The following PTPRH variants were observed in gnomAD, a reference collection of about 807,000 sequenced individuals.
PTPRH encodes the protein receptor-type tyrosine-protein phosphatase H.
PTPRH carries 113 observed loss-of-function variants against 130.2 expected under a neutral mutation model. The ratio of observed to expected loss-of-function variants is 0.87; its 90% CI spans 0.75 to 1.01. PTPRH has a LOEUF of 1.01. PTPRH is among the 50% of genes least tolerant of loss of function. The pLI is 0.00. For synonymous variants in PTPRH, 556 were observed against 577.9 expected (o/e 0.96, Z 0.54); for missense variants, 1,430 against 1,425.0 (o/e 1.00, Z -0.06).
At position 55,204,040 on chromosome 19, in the gene PTPRH, G is replaced by C. The variant is rs200386400; in HGVS notation, c.628C>G (p.Pro210Ala). 4 of 1,611,220 alleles carry C rather than the reference G, an allele frequency of 2.5e-6. No individual in the cohort carries two copies. The highest frequency in any genetic ancestry group is 3.4e-6 in the Non-Finnish European group (4 of 1,178,338). ...ETRNATTAHN[P>A]VRNLRVEAQT... ...GCCTCCACTCTCAGGTTCCTCACTG[G>C]GTTGTGAGCTGAGAAATTAGGAAGA... The change falls in exon 5 of 20, where the codon CCA becomes GCA. Residue 210 changes from proline to alanine, a missense_variant. Pro to Ala is a conservative substitution (Grantham distance 27). Transcript: ENST00000376350.
intron 14 of PTPRH, 47 bp downstream of exon 14, chr19:55,187,466 C>T (rs763508383): frequency 1.3e-5 from 20 of 1,515,800 alleles, no homozygotes; most frequent in African/African-American, 9.7e-5. Context: ...GGTGGGGTGC[C>T]GACTAGATCA....
intron 10 of PTPRH, among the ~76,000 whole-genome samples, chr19:55,195,234 A>G (rs373111638): frequency 1.1e-4 from 17 of 152,214 alleles, no homozygotes; most frequent in East Asian, 5.8e-4. Flanking sequence ...CTGAGGCAGG[A>G]GAATCGCTTG....
rs61735061 is a variant in PTPRH at position 55,186,227 on chromosome 19, G to A, written c.2776C>T (p.Arg926Trp). 6.9e-4 allele frequency: 1,108 copies of A among 1,607,820 alleles called. 12 individuals are homozygous for A. Among genetic ancestry groups the A allele is most frequent in the South Asian group, 2.3e-3 (213 of 90,682 alleles). ...CACCCAGGACTCAGATCTCTCACCC[G>A]GCCGGCCTCCATGCAGTTGGTCAGC... is the stretch of plus-strand genomic sequence containing the variant. ...VMLTNCMEAG[R>W]VKCEHYWPLD... Residue 926 changes from arginine to tryptophan, a missense_variant and splice_region_variant, in exon 16 of 20, where the codon CGG (arginine) becomes TGG (tryptophan). Coordinates refer to ENST00000376350, the MANE Select transcript of PTPRH (RefSeq NM_002842.5).
intron 10 of PTPRH, 74 bp from the exon 11 acceptor site, chr19:55,191,815 C>G: frequency 7.7e-7 from 1 of 1,299,174 alleles, no homozygotes; most frequent in African/African-American, 1.5e-5. Flanking sequence ...CCTGCCCAGC[C>G]TTTCCTCTTC....
At chr19:55,203,738 G>C in intron 5 of PTPRH, 44 bp downstream of exon 5, 1 of 1,565,554 alleles carries the variant, frequency 6.4e-7, no homozygotes, top group Non-Finnish European at 8.7e-7. Context: ...CCCTACCACT[G>C]TCCTTATAAA....
At chr19:55,185,715 G>A in intron 17 of PTPRH, 53 bp from the exon 18 acceptor site, 1 of 1,601,744 alleles carries the variant, frequency 6.2e-7, no homozygotes, top group Non-Finnish European at 8.5e-7. Flanking sequence ...GGAGGACCTG[G>A]CTTCTAGCAC....
At chr19:55,207,351 C>CGAGGACAGCT in intron 1 of PTPRH, 152 bp from the exon 2 acceptor site, 3 of 769,756 alleles carry the variant, frequency 3.9e-6, no homozygotes, top group Non-Finnish European at 6.3e-6. Flanking sequence ...GTCACGACCT[C>CGAGGACAGCT]GACCGTCTTT....
chr19:55,181,797 T>A lies in PTPRH; in HGVS notation c.3305A>T (p.Tyr1102Phe), dbSNP rs1362417390. The A allele has an allele frequency of 2.5e-6, 4 of 1,614,050 alleles. No homozygotes were observed. The highest frequency in any genetic ancestry group is 3.4e-6 in the Non-Finnish European group (4 of 1,180,038). ...VPYEDVENLI[Y>F]ENVAAIQAHK... The stretch of plus-strand genomic sequence containing the variant: ...GGCCTGGATGGCGGCCACGTTCTCG[T>A]AGATGAGGTTTTCGACATCCTCATA... Residue 1102 changes from tyrosine to phenylalanine, a missense_variant, in exon 20 of 20, where the codon TAC becomes TTC. By Grantham distance (22) the Tyr-to-Phe change is conservative (BLOSUM62 3). Coordinates refer to ENST00000376350, the MANE Select transcript of PTPRH (RefSeq NM_002842.5).
chr19:55,181,575 C>T lies in PTPRH; in HGVS notation c.*179G>A. ...CCAGATCCCCAGCTCCCATAGGACT[C>T]ATCTGAAGCCCACCAGACCACTCTC... On this transcript the variant is annotated 3_prime_UTR_variant, in exon 20 of 20. Transcript: ENST00000376350. 2 of 774,892 alleles carry T rather than the reference C, an allele frequency of 2.6e-6. No homozygotes were observed. Among genetic ancestry groups the T allele is most frequent in the Non-Finnish European group, 4.2e-6 (2 of 479,930 alleles). 48.0% of individuals were successfully genotyped at this position (774,892 alleles called of 1,614,324 possible). A position where few individuals can be genotyped will look rare whatever the true frequency, so the allele number is the denominator to read the frequency against.
rs775899462 is a variant in PTPRH at position 55,197,244 on chromosome 19, C to G, written c.1863G>C (p.Gln621His). ...ACCACGTCTCATTGGTCCTGCTGGT[C>G]TGGTTGACCCAATTCGCTTGGGGAT... The part of the protein sequence containing the change: ...GQDPQANWVN[Q>H]TSRTNETWYK... The change falls in exon 9 of 20, where the codon CAG (glutamine) becomes CAC (histidine). Residue 621 changes from glutamine (Q) to histidine (H), a missense_variant. Gln to His is a conservative substitution (Grantham distance 24, BLOSUM62 0). Coordinates refer to ENST00000376350, the MANE Select transcript of PTPRH (RefSeq NM_002842.5). 6.2e-7 allele frequency: 1 copy of G among 1,614,264 alleles called. No individual in the cohort carries two copies. The highest frequency in any genetic ancestry group is 8.5e-7 in the Non-Finnish European group (1 of 1,180,054).
Position 55,186,333 on chromosome 19 carries a change from A to G in PTPRH, c.2670T>C (p.Ile890=). 1 of 1,614,032 alleles carries G rather than the reference A, an allele frequency of 6.2e-7. No homozygotes were observed. Among genetic ancestry groups the G allele is most frequent in the Non-Finnish European group, 8.5e-7 (1 of 1,179,958 alleles). ...MPGLWSPQEF[I]ATQGPLPQTV... ...TCTGTGGCAGGGGACCCTGGGTTGC[A>G]ATGAACTCCTGGGGGCTCCAGAGAC... Residue 890 remains isoleucine, a synonymous_variant, in exon 16 of 20, where the codon ATT becomes ATC. Transcript: ENST00000376350.
At position 55,197,251 on chromosome 19, in the gene PTPRH, A is replaced by G. The variant is rs1221009889; in HGVS notation, c.1856T>C (p.Val619Ala). ...RRGQDPQANWVNQTSRTNETW... is the reference protein window; with the variant it reads ...RRGQDPQANWANQTSRTNETW... ...CTCATTGGTCCTGCTGGTCTGGTTG[A>G]CCCAATTCGCTTGGGGATCTTGCCC... is the stretch of plus-strand genomic sequence containing the variant. The change falls in exon 9 of 20, where the codon GTC becomes GCC. Residue 619 changes from valine (V) to alanine (A), a missense_variant. Physicochemically the swap from Val to Ala is moderately conservative, Grantham distance 64. Coordinates refer to ENST00000376350, the MANE Select transcript of PTPRH (RefSeq NM_002842.5). 5 of 1,614,120 alleles carry G rather than the reference A, an allele frequency of 3.1e-6. No individual in the cohort carries two copies. Among genetic ancestry groups the G allele is most frequent in the Non-Finnish European group, 4.2e-6 (5 of 1,180,018 alleles).
rs529541074 is a variant in PTPRH at position 55,200,377 on chromosome 19, C to T, written c.1279G>A (p.Gly427Ser). Reference sequence around the variant, plus strand: ...GTGTTTCGGGTCTCTGTGCCACCACCGTCTCCAGTGTACTCTACCCAGTAG... The same window carrying T: ...GTGTTTCGGGTCTCTGTGCCACCACTGTCTCCAGTGTACTCTACCCAGTAG... ...YTYWVEYTGD[G>S]GGTETRNTTN... The change falls in exon 7 of 20, where the codon GGT becomes AGT. Residue 427 changes from glycine to serine, a missense_variant. Physicochemically the swap from Gly to Ser is moderately conservative, Grantham distance 56. Transcript: ENST00000376350. 77 of 1,614,180 alleles carry T rather than the reference C, an allele frequency of 4.8e-5. No homozygotes were observed. In the South Asian group the frequency reaches 6.8e-4, roughly 14 times the overall value.
intron 9 of PTPRH, 37 bp from the exon 10 acceptor site, chr19:55,196,825 A>G: frequency 6.3e-7 from 1 of 1,593,658 alleles, no homozygotes; most frequent in East Asian, 2.2e-5. Context: ...AGTGCCATCC[A>G]AGGTGGCTTT....
At chr19:55,199,773 GAA>G (rs1202319811) in intron 7 of PTPRH, among the ~76,000 whole-genome samples, 1 of 144,558 alleles carries the variant, frequency 6.9e-6, no homozygotes, top group Non-Finnish European at 1.5e-5. Flanking sequence ...GAGAAAGAAA[GAA>G]AGAGAGAGAG....
Position 55,200,223 on chromosome 19 carries a change from T to C in PTPRH, c.1420+13A>G, listed in dbSNP as rs1285662155. ...TCTCACCAAAACAGGGAGTGGCCGTTGAGGGTTCCTACCTGTGGAGATGCT... is the reference window on the plus strand; with the variant it reads ...TCTCACCAAAACAGGGAGTGGCCGTCGAGGGTTCCTACCTGTGGAGATGCT... On this transcript the variant is annotated intron_variant, in intron 7 of 19. Transcript: ENST00000376350. 1 of 1,613,272 alleles carries C rather than the reference T, an allele frequency of 6.2e-7. No homozygotes were observed. The highest frequency in any genetic ancestry group is 1.1e-5 in the South Asian group (1 of 91,042).
intron 17 of PTPRH, 60 bp downstream of exon 17, chr19:55,185,802 G>T: frequency 6.2e-7 from 1 of 1,612,538 alleles, no homozygotes; most frequent in Non-Finnish European, 8.5e-7. Context: ...GAGGGTCCTG[G>T]ATGCATGGCA....
At chr19:55,203,711 G>A in intron 5 of PTPRH, 71 bp downstream of exon 5, 1 of 1,493,802 alleles carries the variant, frequency 6.7e-7, no homozygotes. Context: ...GTCACATTTT[G>A]TCAGCTCCCA....
chr19:55,206,254 T>A (rs1460268370), intron 3 of PTPRH, among the ~76,000 whole-genome samples: 2 of 151,862 alleles, frequency 1.3e-5, no homozygotes, highest in African/African-American at 4.8e-5. Context: ...AAATTGTATC[T>A]GATGGACTAC....
Sources: allele counts gnomAD v4.1 joint callset (sites outside exome capture counted in the v4.1 genomes callset), GRCh38; gene constraint gnomAD v4.1.1; transcripts MANE v1.5; gene names NCBI Gene and HGNC (gene_info 2026-07-23, HGNC 2026-07-21).